CRACD: variants seen among roughly 807,000 people sequenced by gnomAD.
CRACD encodes capping protein-inhibiting regulator of actin dynamics.
Under a neutral mutation model 106.8 loss-of-function variants are expected in CRACD, and 56 were observed. That is an observed-to-expected ratio of 0.52 (90% CI 0.42 to 0.66). The LOEUF is 0.66. CRACD is among the 30% of genes least tolerant of loss of function. CRACD has a pLI of 0.00. For missense variants in CRACD, 1,730 were observed against 1,623.2 expected, an observed-to-expected ratio of 1.07 and a Z score of -1.13; for synonymous variants, 754 against 670.8, an observed-to-expected ratio of 1.12 and a Z score of -1.92.
chr4:56,283,511 C>T lies in CRACD; in HGVS notation c.-17+11019C>T, dbSNP rs375509796. On this transcript the variant is annotated intron_variant, in intron 3 of 10. Transcript: ENST00000682029. ...AGAAATCAAAAGGATCAGATCTTCCCCTTCCCCTCCCACTGCAGCCTGGTG... is the reference window on the plus strand; with the variant it reads ...AGAAATCAAAAGGATCAGATCTTCCTCTTCCCCTCCCACTGCAGCCTGGTG... 2.6e-5 allele frequency among the ~76,000 whole-genome samples: 4 copies of T among 152,248 alleles called. No homozygotes were observed. In the South Asian group the frequency reaches 8.3e-4, roughly 32 times the overall value.
chr4:56,163,836 C>T (rs1028317387), intron 1 of CRACD, among the ~76,000 whole-genome samples: 1 of 152,100 alleles, frequency 6.6e-6, no homozygotes, highest in African/African-American at 2.4e-5. Flanking sequence ...ACCTCTGCCT[C>T]CTGGGTTCAA....
chr4:56,235,353 A>T (rs770332981), intron 2 of CRACD, among the ~76,000 whole-genome samples: 2 of 152,232 alleles, frequency 1.3e-5, no homozygotes, highest in Non-Finnish European at 2.9e-5. Flanking sequence ...ATTTTGTGAG[A>T]TGTCTACGGG....
At chr4:56,230,926 T>C (rs757239536) in intron 2 of CRACD, among the ~76,000 whole-genome samples, 6 of 152,208 alleles carry the variant, frequency 3.9e-5, no homozygotes, top group Non-Finnish European at 8.8e-5. Flanking sequence ...TCCTTGTCGA[T>C]TGGAGAATGT....
At chr4:56,092,758 C>T (rs1733464419) in intron 1 of CRACD, among the ~76,000 whole-genome samples, 1 of 152,008 alleles carries the variant, frequency 6.6e-6, no homozygotes, top group East Asian at 1.9e-4. Flanking sequence ...GGCACTACCA[C>T]ACCCGGCTAA....
At chr4:56,114,889 G>A (rs1290065415) in intron 1 of CRACD, among the ~76,000 whole-genome samples, 1 of 152,114 alleles carries the variant, frequency 6.6e-6, no homozygotes, top group Non-Finnish European at 1.5e-5. Context: ...GAAAGCCATT[G>A]TTCTGGAGAA....
At chr4:56,230,358 C>T (rs955070077) in intron 2 of CRACD, among the ~76,000 whole-genome samples, 5 of 152,078 alleles carry the variant, frequency 3.3e-5, no homozygotes, top group African/African-American at 1.2e-4. Context: ...TTGGCCTTTT[C>T]AAGTTGAAAA....
chr4:56,185,377 C>T (rs961344676), intron 2 of CRACD, among the ~76,000 whole-genome samples: 2 of 152,156 alleles, frequency 1.3e-5, no homozygotes, highest in Non-Finnish European at 2.9e-5. Flanking sequence ...CCCATTTCCC[C>T]CTCCCCTCAG....
chr4:56,295,631 T>C (rs1483204083), intron 3 of CRACD, among the ~76,000 whole-genome samples: 4 of 146,982 alleles, frequency 2.7e-5, no homozygotes, highest in African/African-American at 1.0e-4. Flanking sequence ...TGGTGTATTC[T>C]GTACACACAA....
At chr4:56,254,595 A>C (rs928999998) in intron 2 of CRACD, among the ~76,000 whole-genome samples, 1 of 152,086 alleles carries the variant, frequency 6.6e-6, no homozygotes, top group Non-Finnish European at 1.5e-5. Flanking sequence ...GGGTCCAGGG[A>C]AGGTTAGTGT....
chr4:56,120,006 A>G (rs1471432564), intron 1 of CRACD, among the ~76,000 whole-genome samples: 3 of 152,174 alleles, frequency 2.0e-5, no homozygotes, highest in African/African-American at 7.2e-5. Flanking sequence ...TCGTTTATCT[A>G]AACCATTCTG....
chr4:56,176,477 G>T (rs1020638697), intron 1 of CRACD, among the ~76,000 whole-genome samples: 1 of 141,016 alleles, frequency 7.1e-6, no homozygotes, highest in Non-Finnish European at 1.5e-5. Flanking sequence ...CGTCCAGACT[G>T]GAGTGCAGTG....
chr4:56,167,905 T>C (rs1486252310), intron 1 of CRACD, among the ~76,000 whole-genome samples: 2 of 152,218 alleles, frequency 1.3e-5, no homozygotes, highest in Non-Finnish European at 2.9e-5. Flanking sequence ...GTTAATTTTA[T>C]TTATTGACCT....
intron 1 of CRACD, among the ~76,000 whole-genome samples, chr4:56,115,093 G>A (rs940691655): frequency 2.0e-5 from 3 of 152,120 alleles, no homozygotes; most frequent in African/African-American, 4.8e-5. Flanking sequence ...AGGAAATGGG[G>A]TGAGCAGTGA....
chr4:56,181,597 G>A (rs1736823219), intron 2 of CRACD, among the ~76,000 whole-genome samples: 1 of 152,180 alleles, frequency 6.6e-6, no homozygotes, highest in Admixed American at 6.5e-5. Flanking sequence ...TGTTTCACAG[G>A]TCTGTAGGCT....
chr4:56,165,429 A>G (rs981997808), intron 1 of CRACD, among the ~76,000 whole-genome samples: 2 of 152,210 alleles, frequency 1.3e-5, no homozygotes, highest in Non-Finnish European at 2.9e-5. Flanking sequence ...TTGATTATTA[A>G]TAATGATTAT....
intron 1 of CRACD, among the ~76,000 whole-genome samples, chr4:56,142,187 C>T (rs1424360125): frequency 2.6e-5 from 4 of 152,088 alleles, no homozygotes; most frequent in African/African-American, 9.7e-5. Flanking sequence ...ATGGGATTAT[C>T]CTACATTGAT....
At chr4:56,120,288 T>TTCCTTTGAATAGCAGAGACTCTGA (rs1734440745) in intron 1 of CRACD, among the ~76,000 whole-genome samples, 1 of 152,310 alleles carries the variant, frequency 6.6e-6, no homozygotes, top group Non-Finnish European at 1.5e-5. Flanking sequence ...GTGCTTGTCA[T>TTCCTTTGAATAGCAGAGACTCTGA]TCCTTTGAAT....
chr4:56,199,690 AAAAG>A, intron 2 of CRACD, among the ~76,000 whole-genome samples: 1 of 146,978 alleles, frequency 6.8e-6, no homozygotes, highest in Non-Finnish European at 1.5e-5. Context: ...TCAAAAAAAA[AAAAG>A]AAAAGAAAAA....
At chr4:56,326,611 A>G (rs1746463645) in intron 10 of CRACD, among the ~76,000 whole-genome samples, 1 of 152,198 alleles carries the variant, frequency 6.6e-6, no homozygotes, top group African/African-American at 2.4e-5. Context: ...CACATTAAGA[A>G]GCCTATACAC....
Sources: allele counts gnomAD v4.1 joint callset (sites outside exome capture counted in the v4.1 genomes callset), GRCh38; gene constraint gnomAD v4.1.1; transcripts MANE v1.5; gene names NCBI Gene and HGNC (gene_info 2026-07-23, HGNC 2026-07-21).